ZNF701: variants seen among roughly 807,000 people sequenced by gnomAD.
ZNF701 encodes the protein zinc finger protein 701.
In ZNF701, 6 loss-of-function variants were observed where a neutral mutation model predicts 7.1. That is an observed-to-expected ratio of 0.84 (90% CI 0.46 to 1.66). ZNF701 has a LOEUF of 1.66. ZNF701 is among the 40% of genes most tolerant of loss of function. The pLI is 0.01. For missense variants in ZNF701, 541 were observed against 559.2 expected, an observed-to-expected ratio of 0.97 and a Z score of 0.33; for synonymous variants, 166 against 188.2, an observed-to-expected ratio of 0.88 and a Z score of 0.97.
chr19:52,592,029 C>G (rs534171762), downstream of ZNF701: 57 of 644,324 alleles, frequency 8.8e-5, no homozygotes, highest in Admixed American at 1.4e-3. Flanking sequence ...CTTATTTTCT[C>G]TTTTCTCATT....
In ZNF701 at chr19:52,582,843, A is replaced by G. The variant is rs748827722; in HGVS notation, c.784A>G (p.Arg262Gly). 1.5e-5 allele frequency: 24 copies of G among 1,614,110 alleles called. No individual in the cohort carries two copies. Among genetic ancestry groups the G allele is most frequent in the Middle Eastern group, 1.6e-4 (1 of 6,084 alleles). ...FHQKRYLACH[R>G]CHTGENPYTC... ...TCAGAAGCGATACCTTGCATGCCAT[A>G]GATGTCACACTGGTGAGAATCCTTA... is the stretch of plus-strand genomic sequence containing the variant. Residue 262 changes from arginine (R) to glycine (G), a missense_variant, in exon 4 of 4, where the codon AGA becomes GGA. By Grantham distance (125) the Arg-to-Gly change is moderately radical. Coordinates refer to ENST00000391785, the MANE Select transcript of ZNF701 (RefSeq NM_018260.3).
At chr19:52,591,585 C>T (rs1483540749), downstream of ZNF701, among the ~76,000 whole-genome samples, 2 of 152,090 alleles carry the variant, frequency 1.3e-5, no homozygotes, top group Non-Finnish European at 2.9e-5. Context: ...GCCTCTGGGG[C>T]TCAAGCAATT....
intron 1 of ZNF701, among the ~76,000 whole-genome samples, chr19:52,573,705 T>C (rs754706542): frequency 6.6e-6 from 1 of 152,016 alleles, no homozygotes; most frequent in South Asian, 2.1e-4. Context: ...TTGGTAGAGA[T>C]GGGGTTTCAC....
chr19:52,574,945 T>A (rs1274324082), intron 2 of ZNF701, among the ~76,000 whole-genome samples: 1 of 141,156 alleles, frequency 7.1e-6, no homozygotes, highest in African/African-American at 3.0e-5. Context: ...TTAAACAAAA[T>A]TTGCATATAT....
intron 1 of ZNF701, among the ~76,000 whole-genome samples, chr19:52,572,031 C>T (rs1027311665): frequency 3.3e-5 from 5 of 152,036 alleles, no homozygotes; most frequent in Non-Finnish European, 7.4e-5. Context: ...CCATATTGGT[C>T]AGGTTGGTCT....
the ZNF701 span, among the ~76,000 whole-genome samples, chr19:52,595,298 A>C: frequency 0.44 from 65,469 of 147,520 alleles, 14,295 homozygotes; most frequent in Middle Eastern, 0.49. Flanking sequence ...GAGATGGATT[A>C]TTGCTCTGTC....
chr19:52,587,245 C>T (rs1801435862), downstream of ZNF701: 1 of 152,080 alleles, frequency 6.6e-6, no homozygotes, highest in South Asian at 2.1e-4. Flanking sequence ...ACATCATTTC[C>T]AAATTTATTT....
intron 1 of ZNF701, among the ~76,000 whole-genome samples, chr19:52,571,769 C>T (rs113280204): frequency 6.6e-6 from 1 of 151,848 alleles, no homozygotes; most frequent in African/African-American, 2.4e-5. Flanking sequence ...GATGCACTTT[C>T]GCTCTTGTTG....
At chr19:52,576,508 C>G (rs892539123) in intron 3 of ZNF701, among the ~76,000 whole-genome samples, 1 of 152,068 alleles carries the variant, frequency 6.6e-6, no homozygotes, top group Non-Finnish European at 1.5e-5. Context: ...CCACTGGACT[C>G]CAGCCTGGGC....
Position 52,584,249 on chromosome 19 carries a change from G to C in ZNF701, c.*792G>C. On this transcript the variant is annotated 3_prime_UTR_variant, in exon 4 of 4. Coordinates refer to ENST00000391785, the MANE Select transcript of ZNF701 (RefSeq NM_018260.3). Reference sequence around the variant, plus strand: ...AGCAAACCATCAAGGATTGACAGTAGAGTCAATTCAGAATTGACTTGAGTT... The same window carrying C: ...AGCAAACCATCAAGGATTGACAGTACAGTCAATTCAGAATTGACTTGAGTT... 1 of 229,296 alleles carries C rather than the reference G, an allele frequency of 4.4e-6. No homozygotes were observed. The highest frequency in any genetic ancestry group is 1.2e-4 in the East Asian group (1 of 8,006). The allele number at this position is 229,296 out of a possible 1,614,324, so 14.2% of individuals were successfully genotyped here.
the ZNF701 span, chr19:52,597,607 C>T: frequency 8.4e-5 from 30 of 357,306 alleles, no homozygotes; most frequent in African/African-American, 6.4e-4. Context: ...TTTGGGAGCC[C>T]AAGGCTGATA....
chr19:52,579,781 C>T (rs893886852), intron 3 of ZNF701, among the ~76,000 whole-genome samples: 8 of 138,656 alleles, frequency 5.8e-5, no homozygotes, highest in South Asian at 2.1e-4. Context: ...GGCTGAGGCA[C>T]GAGAGTTGCT....
At chr19:52,570,977 G>A (rs1385679788) in intron 1 of ZNF701, 10 of 152,398 alleles carry the variant, frequency 6.6e-5, no homozygotes, top group African/African-American at 2.4e-4. Flanking sequence ...TGATTGTGTG[G>A]GCTAAAGAGA....
the ZNF701 span, chr19:52,597,984 G>T: frequency 1.3e-5 from 2 of 152,970 alleles, no homozygotes; most frequent in South Asian, 2.1e-4. Context: ...TTGCTCTGTC[G>T]CCCAGGCTGG....
chr19:52,576,825 A>T (rs1024054103), intron 3 of ZNF701, among the ~76,000 whole-genome samples: 8 of 152,158 alleles, frequency 5.3e-5, no homozygotes, highest in African/African-American at 1.9e-4. Flanking sequence ...CAGGAGTCTC[A>T]TGCTGATATG....
chr19:52,571,196 G>A (rs892445534), intron 1 of ZNF701, among the ~76,000 whole-genome samples: 4 of 151,320 alleles, frequency 2.6e-5, no homozygotes, highest in Admixed American at 1.3e-4. Context: ...CAGACAGCAA[G>A]GTAGAGAGGG....
At chr19:52,592,028 T>G, downstream of ZNF701, 1 of 643,862 alleles carries the variant, frequency 1.6e-6, no homozygotes, top group Middle Eastern at 2.7e-4. Flanking sequence ...ACTTATTTTC[T>G]CTTTTCTCAT....
chr19:52,582,119 G>GT (rs2059978904), intron 3 of ZNF701, 83 bp from the exon 4 acceptor site: 2 of 1,238,110 alleles, frequency 1.6e-6, no homozygotes, highest in Middle Eastern at 2.0e-4. Context: ...AATAAGTATT[G>GT]TTTTTTATGT....
downstream of ZNF701, among the ~76,000 whole-genome samples, chr19:52,591,089 C>G (rs115731209): frequency 6.6e-6 from 1 of 152,098 alleles, no homozygotes; most frequent in Non-Finnish European, 1.5e-5. Context: ...CCACCCATCT[C>G]GGCCTCCATA....
Sources: allele counts gnomAD v4.1 joint callset (sites outside exome capture counted in the v4.1 genomes callset), GRCh38; gene constraint gnomAD v4.1.1; transcripts MANE v1.5; gene names NCBI Gene and HGNC (gene_info 2026-07-23, HGNC 2026-07-21).